The following PRSS23 variants were observed in gnomAD, a reference collection of about 807,000 sequenced individuals.
PRSS23 encodes the protein protease, serine 23.
PRSS23 carries 25 observed loss-of-function variants against 34.7 expected under a neutral mutation model. That is an observed-to-expected ratio of 0.72 (90% CI 0.53 to 1.01). The LOEUF (loss-of-function observed/expected upper bound fraction) is 1.01, where lower values mean the gene tolerates loss of function less well. PRSS23 is among the 50% of genes least tolerant of loss of function. The probability of loss-of-function intolerance (pLI) is 0.00; values close to 1 mark genes in which losing one functional copy is unlikely to be tolerated. For synonymous variants in PRSS23, 176 were observed against 186.6 expected, an observed-to-expected ratio of 0.94 and a Z score of 0.46; for missense variants, 445 against 475.6, an observed-to-expected ratio of 0.94 and a Z score of 0.60.
At chr11:86,796,090 T>C (rs1005838688), upstream of PRSS23, among the ~76,000 whole-genome samples, 4 of 152,168 alleles carry the variant, frequency 2.6e-5, no homozygotes, top group African/African-American at 7.2e-5. Flanking sequence ...AAAAGCAAGA[T>C]AGAATCAAAA....
intron 2 of PRSS23, among the ~76,000 whole-genome samples, chr11:86,863,149 C>G (rs568325841): frequency 6.6e-6 from 1 of 152,124 alleles, no homozygotes; most frequent in Admixed American, 6.5e-5. Context: ...GATACGACTC[C>G]TAATATCACA....
intron 2 of PRSS23, chr11:86,935,182 C>T (rs1767891916): frequency 1.3e-5 from 2 of 152,208 alleles, no homozygotes; most frequent in South Asian, 4.1e-4. Flanking sequence ...GTTTTGTAAG[C>T]TTATTTAAGT....
chr11:86,824,914 A>G (rs1256593414), intron 2 of PRSS23, among the ~76,000 whole-genome samples: 1 of 152,068 alleles, frequency 6.6e-6, no homozygotes, highest in Admixed American at 6.6e-5. Context: ...AGTCTTTGCT[A>G]TTGTGAATAG....
At chr11:86,890,039 G>A (rs560267469) in intron 2 of PRSS23, among the ~76,000 whole-genome samples, 11 of 152,268 alleles carry the variant, frequency 7.2e-5, no homozygotes, top group South Asian at 2.1e-4. Context: ...AAGCCGAGGC[G>A]TGTGGATCAC....
In PRSS23 at chr11:86,879,771, TG is replaced by T. The variant is rs1210839938; in HGVS notation, c.206+56185del. 5.1e-4 allele frequency among the ~76,000 whole-genome samples: 45 copies of T among 87,814 alleles called. 3 individuals carry two copies. Among genetic ancestry groups the T allele is most frequent in the Admixed American group, 2.9e-3 (25 of 8,692 alleles). The allele number at this position is 87,814 out of a possible 152,430, so 57.6% of individuals were successfully genotyped here. ...CCAGCCGCCCCGTCCGGGAGGGAGG[TG>T]GGGGGGTCAGCCCCCTGCCCGGCCA... On this transcript the variant is annotated intron_variant, in intron 2 of 2. Transcript: ENST00000533902.
intron 2 of PRSS23, among the ~76,000 whole-genome samples, chr11:86,867,874 C>CAAAA (rs11352878): frequency 1.5e-4 from 18 of 118,312 alleles, no homozygotes; most frequent in South Asian, 8.6e-4. Context: ...GACCCTACCT[C>CAAAA]AAAAAAAAAA....
intron 2 of PRSS23, among the ~76,000 whole-genome samples, chr11:86,884,625 A>G (rs1948790986): frequency 6.6e-6 from 1 of 152,076 alleles, no homozygotes; most frequent in Non-Finnish European, 1.5e-5. Flanking sequence ...TGATTATATG[A>G]TTTTCTTTCT....
intron 2 of PRSS23, among the ~76,000 whole-genome samples, chr11:86,876,891 T>C (rs1333510306): frequency 6.6e-6 from 1 of 151,978 alleles, no homozygotes; most frequent in African/African-American, 2.4e-5. Flanking sequence ...TTCCTAGAGG[T>C]TGTGGAATTT....
chr11:86,865,133 G>T (rs1948641427), intron 2 of PRSS23, among the ~76,000 whole-genome samples: 1 of 152,224 alleles, frequency 6.6e-6, no homozygotes, highest in African/African-American at 2.4e-5. Context: ...AAGGGAAGTA[G>T]CAAGAGACCA....
chr11:86,895,376 G>A (rs1172422042), intron 2 of PRSS23, among the ~76,000 whole-genome samples: 1 of 149,694 alleles, frequency 6.7e-6, no homozygotes, highest in Non-Finnish European at 1.5e-5. Flanking sequence ...TGAGCCTATT[G>A]TATACACAAT....
downstream of PRSS23, among the ~76,000 whole-genome samples, chr11:86,813,445 A>G (rs1163216180): frequency 1.3e-5 from 2 of 152,180 alleles, no homozygotes; most frequent in Non-Finnish European, 2.9e-5. Flanking sequence ...TCATATAGAA[A>G]TTAAGGATTC....
chr11:86,862,999 TA>T (rs557152671), intron 2 of PRSS23, among the ~76,000 whole-genome samples: 2 of 152,072 alleles, frequency 1.3e-5, no homozygotes, highest in Non-Finnish European at 2.9e-5. Flanking sequence ...ATATTATTTG[TA>T]ACATCCTAGA....
At chr11:86,878,992 G>C (rs1163251571) in intron 2 of PRSS23, among the ~76,000 whole-genome samples, 8 of 125,636 alleles carry the variant, frequency 6.4e-5, no homozygotes, top group Non-Finnish European at 6.8e-5. Flanking sequence ...GTCTCTGCCC[G>C]GCCGCCATCC....
At position 86,881,722 on chromosome 11, in the gene PRSS23, C is replaced by A. The variant is rs375250446; in HGVS notation, c.206+58129C>A. On this transcript the variant is annotated intron_variant, in intron 2 of 2. Coordinates refer to the PRSS23 transcript ENST00000533902. ...GAATTCACCAGTGAAATCATCTGGT[C>A]CTGGACTTTTCTTTGTGGGAAGTTT... Among the ~76,000 whole-genome samples the A allele has an allele frequency of 5.3e-5, 8 of 152,168 alleles. No homozygotes were observed. The East Asian group carries it at 1.5e-3, about 29-fold the overall frequency.
At chr11:86,930,297 A>G (rs933244382) in intron 2 of PRSS23, among the ~76,000 whole-genome samples, 1 of 152,206 alleles carries the variant, frequency 6.6e-6, no homozygotes, top group Non-Finnish European at 1.5e-5. Flanking sequence ...TGTATAAGCT[A>G]TTCAAAAATT....
chr11:86,881,478 AT>A (rs1253313659), intron 2 of PRSS23, among the ~76,000 whole-genome samples: 6 of 152,068 alleles, frequency 3.9e-5, no homozygotes, highest in African/African-American at 1.4e-4. Flanking sequence ...TTTTTTTAAA[AT>A]ATATGGCTGA....
At chr11:86,892,176 A>C (rs942873188) in intron 2 of PRSS23, 1 of 152,244 alleles carries the variant, frequency 6.6e-6, no homozygotes, top group Non-Finnish European at 1.5e-5. Context: ...TTCTGCTGCT[A>C]TCACTATTTG....
chr11:86,867,573 C>A (rs537564815), intron 2 of PRSS23, among the ~76,000 whole-genome samples: 1 of 152,168 alleles, frequency 6.6e-6, no homozygotes, highest in South Asian at 2.1e-4. Flanking sequence ...CCCTAGTATA[C>A]ACCAAGCTAT....
intron 2 of PRSS23, among the ~76,000 whole-genome samples, chr11:86,888,499 C>T (rs962096817): frequency 1.3e-5 from 2 of 152,146 alleles, no homozygotes; most frequent in Admixed American, 1.3e-4. Context: ...AAGAAATGGT[C>T]CTTTGAATTC....
Sources: allele counts gnomAD v4.1 joint callset (sites outside exome capture counted in the v4.1 genomes callset), GRCh38; gene constraint gnomAD v4.1.1; transcripts MANE v1.5; gene names NCBI Gene and HGNC (gene_info 2026-07-23, HGNC 2026-07-21).